DENND1B: variants seen among roughly 807,000 people sequenced by gnomAD.
DENND1B encodes DENN domain-containing protein 1B.
DENND1B carries 59 observed loss-of-function variants against 90.1 expected under a neutral mutation model. The ratio of observed to expected loss-of-function variants is 0.65; its 90% CI spans 0.53 to 0.81. The LOEUF is 0.81. Among genes scored for constraint, DENND1B ranks in the 40% least tolerant of loss-of-function variants. The pLI, the probability that DENND1B is intolerant of heterozygous loss-of-function variation, is 0.00. For synonymous variants in DENND1B, 337 were observed against 324.6 expected (o/e 1.04, Z -0.41); for missense variants, 862 against 912.6 (o/e 0.94, Z 0.71).
At chr1:197,738,020 GCCT>G (rs59365945) in intron 2 of DENND1B, among the ~76,000 whole-genome samples, 117,476 of 151,638 alleles carry the variant, frequency 0.77, 45,659 homozygotes, top group East Asian at 0.86. Flanking sequence ...GGTTTTGATT[GCCT>G]CCTAATTTCC....
intron 2 of DENND1B, among the ~76,000 whole-genome samples, chr1:197,725,258 C>T (rs12073119): frequency 4.6e-5 from 7 of 152,002 alleles, no homozygotes; most frequent in African/African-American, 1.4e-4. Flanking sequence ...ATTATTACAT[C>T]GACAGCAGAC....
intron 20 of DENND1B, among the ~76,000 whole-genome samples, chr1:197,519,354 CATAAAGG>C (rs1027806306): frequency 1.3e-5 from 2 of 151,688 alleles, no homozygotes; most frequent in Admixed American, 6.6e-5. Context: ...ATAAGAAAAA[CATAAAGG>C]ATAAAGTACT....
intron 2 of DENND1B, among the ~76,000 whole-genome samples, chr1:197,772,572 C>T (rs537596090): frequency 3.3e-5 from 5 of 152,260 alleles, no homozygotes; most frequent in African/African-American, 1.2e-4. Flanking sequence ...CCTGTAATCC[C>T]AACAATTTGG....
In DENND1B at chr1:197,507,316, A is replaced by AT. The variant is rs1342261279; in HGVS notation, c.*3143dup. On this transcript the variant is annotated 3_prime_UTR_variant, in exon 23 of 23. Coordinates refer to ENST00000620048, the MANE Select transcript of DENND1B (RefSeq NM_001195215.2). ...TATGACTGGTACAAAAAGTCAATGA[A>AT]TAGTTTTTAAATGAACATGTTATTA... 13 of 151,356 alleles carry AT rather than the reference A, an allele frequency of 8.6e-5. No homozygotes were observed. The South Asian group carries it at 2.7e-3, about 31-fold the overall frequency. 9.4% of individuals were successfully genotyped at this position (151,356 alleles called of 1,614,324 possible).
intron 11 of DENND1B, 84 bp downstream of exon 11, chr1:197,617,575 C>T (rs1309297263): frequency 9.7e-6 from 9 of 926,688 alleles, no homozygotes; most frequent in African/African-American, 6.7e-5. Flanking sequence ...TTAAATATGC[C>T]CCCAAGTTTA....
intron 15 of DENND1B, among the ~76,000 whole-genome samples, chr1:197,555,717 G>A (rs527566278): frequency 9.2e-5 from 14 of 152,200 alleles, no homozygotes; most frequent in African/African-American, 2.6e-4. Flanking sequence ...AGATGTTAAC[G>A]AATTTGTGGA....
At chr1:197,707,787 G>T (rs920246614) in intron 3 of DENND1B, among the ~76,000 whole-genome samples, 7 of 148,484 alleles carry the variant, frequency 4.7e-5, no homozygotes, top group African/African-American at 1.7e-4. Context: ...CGCAGAAGAC[G>T]GGTGATTTCT....
chr1:197,512,373 G>T (rs944392165), intron 21 of DENND1B, among the ~76,000 whole-genome samples: 2 of 151,602 alleles, frequency 1.3e-5, no homozygotes, highest in African/African-American at 4.8e-5. Flanking sequence ...GAAGAAAAAA[G>T]AATGTTCATT....
At chr1:197,514,759 C>G (rs1303530579) in intron 20 of DENND1B, among the ~76,000 whole-genome samples, 2 of 151,374 alleles carry the variant, frequency 1.3e-5, no homozygotes, top group Admixed American at 6.6e-5. Context: ...CCAGTGGTAG[C>G]CCTTTCAAGT....
intron 2 of DENND1B, among the ~76,000 whole-genome samples, chr1:197,750,556 A>G (rs1653334711): frequency 6.8e-6 from 1 of 147,066 alleles, no homozygotes. Flanking sequence ...GTTAGACTGG[A>G]TAGAAAAGCA....
intron 14 of DENND1B, among the ~76,000 whole-genome samples, chr1:197,585,837 C>G (rs1158868698): frequency 6.6e-6 from 1 of 152,094 alleles, no homozygotes; most frequent in Admixed American, 6.5e-5. Context: ...ATCCTTAAGG[C>G]ATATGTTATG....
At chr1:197,551,256 C>G (rs1671221131) in intron 16 of DENND1B, among the ~76,000 whole-genome samples, 1 of 152,048 alleles carries the variant, frequency 6.6e-6, no homozygotes, top group African/African-American at 2.4e-5. Context: ...TAACATAACA[C>G]AGAATAATTT....
At chr1:197,591,977 C>T (rs1052157480) in intron 14 of DENND1B, among the ~76,000 whole-genome samples, 28 of 151,738 alleles carry the variant, frequency 1.8e-4, no homozygotes, top group South Asian at 1.0e-3. Flanking sequence ...GGCATGGTGG[C>T]GGGCACCTGT....
At position 197,539,947 on chromosome 1, in the gene DENND1B, T is replaced by C; in HGVS notation, c.1515+17A>G. The C allele has an allele frequency of 1.9e-6, 3 of 1,567,632 alleles. No individual in the cohort carries two copies. The highest frequency in any genetic ancestry group is 1.4e-5 in the African/African-American group (1 of 73,750). The stretch of plus-strand genomic sequence containing the variant: ...TTTGAGAATGTGGGGGAATGAAGGG[T>C]AAATAACCTTACTTACCTGAGCAAG... On this transcript the variant is annotated intron_variant, in intron 20 of 22. Transcript: ENST00000620048.
At chr1:197,656,692 A>G (rs1653864450) in intron 6 of DENND1B, among the ~76,000 whole-genome samples, 1 of 152,020 alleles carries the variant, frequency 6.6e-6, no homozygotes, top group Non-Finnish European at 1.5e-5. Flanking sequence ...AGTTCCAGCT[A>G]ATTGGGAGAC....
intron 9 of DENND1B, among the ~76,000 whole-genome samples, chr1:197,644,726 G>A (rs534104773): frequency 6.3e-4 from 96 of 152,230 alleles, no homozygotes; most frequent in Non-Finnish European, 1.3e-3. Flanking sequence ...AAACACCATC[G>A]ACAGTCTTGG....
At chr1:197,651,413 G>A (rs1653154592) in intron 7 of DENND1B, among the ~76,000 whole-genome samples, 1 of 151,910 alleles carries the variant, frequency 6.6e-6, no homozygotes, top group African/African-American at 2.4e-5. Flanking sequence ...CAGGCTTGTT[G>A]TCTGACAAAC....
chr1:197,512,774 G>A, intron 21 of DENND1B, 97 bp downstream of exon 21: 2 of 1,060,328 alleles, frequency 1.9e-6, no homozygotes, highest in Non-Finnish European at 2.8e-6. Flanking sequence ...CAACATCTGA[G>A]CTCTAAGAGT....
chr1:197,515,328 G>T lies in DENND1B; in HGVS notation c.1516-2375C>A, dbSNP rs190109666. ...TATCACTTTATCACTATAAGTTTAA[G>T]GTACATGAGTTAAACAGAAATCTGC... On this transcript the variant is annotated intron_variant, in intron 20 of 22. Transcript: ENST00000620048. 3.6e-4 allele frequency among the ~76,000 whole-genome samples: 54 copies of T among 151,746 alleles called. 1 individual carries two copies. The East Asian group carries it at 9.6e-3, about 27-fold the overall frequency.
Sources: gnomAD v4.1 joint callset for allele counts (sites outside exome capture counted in the v4.1 genomes callset) on GRCh38, gnomAD v4.1.1 for gene constraint, MANE v1.5 for transcripts, NCBI Gene and HGNC (gene_info 2026-07-23, HGNC 2026-07-21) for gene names.